The following CABCOCO1 variants were observed in gnomAD, a reference collection of about 807,000 sequenced individuals.
CABCOCO1 encodes ciliary-associated calcium-binding coiled-coil protein 1.
Under a neutral mutation model 35.7 loss-of-function variants are expected in CABCOCO1, and 28 were observed. The observed-to-expected ratio is 0.78, with a 90% CI of 0.58 to 1.07. CABCOCO1 has a LOEUF of 1.07. CABCOCO1 is among the 50% of genes least tolerant of loss of function. The probability of loss-of-function intolerance (pLI) is 0.00; values close to 1 mark genes in which losing one functional copy is unlikely to be tolerated. For missense variants in CABCOCO1, 326 were observed against 309.2 expected, an observed-to-expected ratio of 1.05 and a Z score of -0.41; for synonymous variants, 95 against 100.1, an observed-to-expected ratio of 0.95 and a Z score of 0.30.
rs183863070 is a variant in CABCOCO1, at chr10:61,686,271, C to T, written c.479+86C>T. The stretch of plus-strand genomic sequence containing the variant: ...AAGTAAAAAGTAATTCAGTTTTTAG[C>T]AGATTCAGATATTTACAGAATTTAT... On this transcript the variant is annotated intron_variant, in intron 4 of 7. Transcript: ENST00000648843. The T allele has an allele frequency of 6.0e-6, 7 of 1,172,380 alleles. No homozygotes were observed. In the African/African-American group the frequency reaches 6.4e-5, roughly 11 times the overall value. 72.6% of individuals were successfully genotyped at this position (1,172,380 alleles called of 1,614,324 possible).
intron 5 of CABCOCO1, among the ~76,000 whole-genome samples, chr10:61,750,352 G>C (rs1403637700): frequency 6.6e-6 from 1 of 152,202 alleles, no homozygotes; most frequent in African/African-American, 2.4e-5. Flanking sequence ...GAGGCAGGTG[G>C]ATCACCTGAG....
chr10:61,666,314 T>C lies in CABCOCO1; in HGVS notation c.60+3282T>C, dbSNP rs373697742. Among the ~76,000 whole-genome samples the C allele has an allele frequency of 3.9e-4, 60 of 152,328 alleles. 1 individual carries two copies. The South Asian group carries it at 0.012, about 31-fold the overall frequency. ...TCATTCAAGAAGTATTTCTCGAAAT[T>C]ATGAATAATTCAATGTAAGTGAACA... On this transcript the variant is annotated intron_variant, in intron 1 of 7. Transcript: ENST00000648843.
At chr10:61,717,445 A>G (rs945252066) in intron 5 of CABCOCO1, among the ~76,000 whole-genome samples, 4 of 149,134 alleles carry the variant, frequency 2.7e-5, no homozygotes, top group African/African-American at 7.3e-5. Flanking sequence ...AACTGCCAGG[A>G]AAAGAAAAGC....
Position 61,766,225 on chromosome 10 carries a change from G to A in CABCOCO1, c.*212G>A. 1 of 411,958 alleles carries A rather than the reference G, an allele frequency of 2.4e-6. No individual in the cohort carries two copies. The highest frequency in any genetic ancestry group is 4.4e-6 in the Non-Finnish European group (1 of 227,348). The allele number at this position is 411,958 out of a possible 1,614,324, so 25.5% of individuals were successfully genotyped here. A position where few individuals can be genotyped will look rare whatever the true frequency, so the allele number is the denominator to read the frequency against. ...AGCCTCTGAATTTATTGCACCAAGT[G>A]TAATGAGAACATTTTGTATACAAGA... On this transcript the variant is annotated 3_prime_UTR_variant, in exon 8 of 8. Transcript: ENST00000648843.
intron 5 of CABCOCO1, among the ~76,000 whole-genome samples, chr10:61,746,000 A>G (rs1245323344): frequency 6.6e-6 from 1 of 152,162 alleles, no homozygotes; most frequent in East Asian, 1.9e-4. Flanking sequence ...ACCAATTACC[A>G]TGTTTGTCAT....
intron 2 of CABCOCO1, among the ~76,000 whole-genome samples, chr10:61,673,041 C>CA (rs1339725627): frequency 9.2e-5 from 14 of 152,234 alleles, no homozygotes; most frequent in African/African-American, 3.4e-4. Context: ...ATAAAACTGT[C>CA]AATATGCACA....
At chr10:61,697,534 CA>C (rs1840328357) in intron 5 of CABCOCO1, among the ~76,000 whole-genome samples, 1 of 151,736 alleles carries the variant, frequency 6.6e-6, no homozygotes, top group Admixed American at 6.6e-5. Context: ...GTATAAAAAC[CA>C]AAAGAATTTA....
chr10:61,680,699 T>TA (rs1839752419), intron 2 of CABCOCO1, among the ~76,000 whole-genome samples: 1 of 120,460 alleles, frequency 8.3e-6, no homozygotes, highest in Non-Finnish European at 1.7e-5. Flanking sequence ...ATAACATATA[T>TA]ATGTTATACA....
chr10:61,684,333 C>T (rs1477902218), intron 3 of CABCOCO1, among the ~76,000 whole-genome samples: 1 of 152,124 alleles, frequency 6.6e-6, no homozygotes, highest in Non-Finnish European at 1.5e-5. Flanking sequence ...CTATACTAAA[C>T]AAATTACAAG....
At chr10:61,681,971 T>A (rs1839805897) in intron 3 of CABCOCO1, among the ~76,000 whole-genome samples, 1 of 152,158 alleles carries the variant, frequency 6.6e-6, no homozygotes, top group Non-Finnish European at 1.5e-5. Context: ...CGTACGTATT[T>A]TTGAAATATG....
At chr10:61,728,294 T>C (rs1463255701) in intron 5 of CABCOCO1, among the ~76,000 whole-genome samples, 1 of 152,224 alleles carries the variant, frequency 6.6e-6, no homozygotes, top group African/African-American at 2.4e-5. Context: ...TACAAGGCCT[T>C]TAACACTTGA....
intron 7 of CABCOCO1, among the ~76,000 whole-genome samples, chr10:61,761,902 A>T (rs1418364085): frequency 1.3e-5 from 2 of 152,122 alleles, no homozygotes. Flanking sequence ...ATTTACACGA[A>T]CATTTAATGA....
intron 1 of CABCOCO1, among the ~76,000 whole-genome samples, chr10:61,664,685 A>G (rs10994863): frequency 0.15 from 22,383 of 152,210 alleles, 2,538 homozygotes; most frequent in East Asian, 0.59. Context: ...ATGACACGCT[A>G]ATTCGCTGCT....
intron 2 of CABCOCO1, among the ~76,000 whole-genome samples, chr10:61,680,564 T>TATGTTATATATAACATATTA (rs1459150980): frequency 1.1e-4 from 2 of 17,900 alleles, no homozygotes; most frequent in African/African-American, 4.1e-4. Flanking sequence ...TAATATATAT[T>TATGTTATATATAACATATTA]TGTATATATT....
intron 5 of CABCOCO1, among the ~76,000 whole-genome samples, chr10:61,733,946 C>T (rs948300989): frequency 1.3e-5 from 2 of 151,560 alleles, no homozygotes; most frequent in African/African-American, 4.8e-5. Flanking sequence ...TTGTAGAATC[C>T]CAAAAGAAAA....
chr10:61,734,673 GT>G (rs1022696514), intron 5 of CABCOCO1, among the ~76,000 whole-genome samples: 9 of 152,032 alleles, frequency 5.9e-5, no homozygotes, highest in African/African-American at 2.2e-4. Context: ...GTTTTTCAAA[GT>G]TTAAATGTCT....
chr10:61,739,634 G>T (rs190130219), intron 5 of CABCOCO1, among the ~76,000 whole-genome samples: 1 of 152,026 alleles, frequency 6.6e-6, no homozygotes, highest in African/African-American at 2.4e-5. Flanking sequence ...ATATAGCAAC[G>T]GTAATGGAAA....
chr10:61,751,593 T>C (rs1221967001), intron 5 of CABCOCO1, among the ~76,000 whole-genome samples: 1 of 152,160 alleles, frequency 6.6e-6, no homozygotes, highest in Non-Finnish European at 1.5e-5. Context: ...CTGTCAATGA[T>C]TCCAGTAAGC....
chr10:61,720,006 A>T (rs1840963658), intron 5 of CABCOCO1, among the ~76,000 whole-genome samples: 1 of 152,076 alleles, frequency 6.6e-6, no homozygotes, highest in Non-Finnish European at 1.5e-5. Context: ...GGATTGCCAG[A>T]GAGCCAAGAA....
Sources: allele counts gnomAD v4.1 joint callset (sites outside exome capture counted in the v4.1 genomes callset), GRCh38; gene constraint gnomAD v4.1.1; transcripts MANE v1.5; gene names NCBI Gene and HGNC (gene_info 2026-07-23, HGNC 2026-07-21).